Variants in KANSL3 observed in about 807,000 individuals in gnomAD.
KANSL3 encodes KAT8 regulatory NSL complex subunit 3, also known as NSL complex protein NSL3.
A neutral mutation model predicts 89.2 loss-of-function variants in KANSL3; 16 were observed. The ratio of observed to expected loss-of-function variants is 0.18; its 90% CI spans 0.12 to 0.27. The LOEUF is 0.27. Ranked by LOEUF, KANSL3 falls within the 10% of genes least tolerant of loss-of-function variation. KANSL3 has a pLI of 1.00. For synonymous variants in KANSL3, 385 were observed against 419.7 expected (o/e 0.92, Z 1.01); for missense variants, 879 against 1,110.6 (o/e 0.79, Z 2.96).
the KANSL3 span, among the ~76,000 whole-genome samples, chr2:96,582,311 T>C: frequency 6.6e-6 from 1 of 151,898 alleles, no homozygotes; most frequent in South Asian, 2.1e-4. Flanking sequence ...GGCAGGAGAA[T>C]CGCTTGAACC....
At chr2:96,637,468 G>A (rs1370890837) in intron 1 of KANSL3, among the ~76,000 whole-genome samples, 1 of 152,210 alleles carries the variant, frequency 6.6e-6, no homozygotes, top group Non-Finnish European at 1.5e-5. Context: ...ACCTCGCGTG[G>A]ACAGACAGTA....
chr2:96,619,806 G>T, intron 3 of KANSL3, 44 bp from the exon 4 acceptor site: 1 of 1,403,260 alleles, frequency 7.1e-7, no homozygotes, highest in Non-Finnish European at 9.9e-7. Context: ...CCCTGGGGAC[G>T]CTCCCCATGT....
chr2:96,632,585 G>C (rs2073581833), intron 2 of KANSL3, among the ~76,000 whole-genome samples: 1 of 152,200 alleles, frequency 6.6e-6, no homozygotes, highest in Non-Finnish European at 1.5e-5. Context: ...AGACCAGCTA[G>C]GCAGCCACTG....
the KANSL3 span, among the ~76,000 whole-genome samples, chr2:96,587,037 T>C: frequency 6.6e-6 from 1 of 152,226 alleles, no homozygotes; most frequent in Non-Finnish European, 1.5e-5. Flanking sequence ...ACTTATCTCT[T>C]CCAATAATTC....
Position 96,593,296 on chromosome 2 carries a change from T to C in KANSL3, c.*2315A>G, listed in dbSNP as rs1312690893. On this transcript the variant is annotated 3_prime_UTR_variant, in exon 21 of 21. Coordinates refer to ENST00000431828, the MANE Select transcript of KANSL3 (RefSeq NM_001115016.3). ...GAAACCAAGAGTAGACAGGTCTTCCTACCTCAGTGACCTCAAAACACAAGG... is the reference window on the plus strand; with the variant it reads ...GAAACCAAGAGTAGACAGGTCTTCCCACCTCAGTGACCTCAAAACACAAGG... The C allele has an allele frequency of 2.2e-6, 1 of 455,990 alleles. No homozygotes were observed. Among genetic ancestry groups the C allele is most frequent in the East Asian group, 6.9e-5 (1 of 14,412 alleles). The allele number at this position is 455,990 out of a possible 1,614,324, so 28.2% of individuals were successfully genotyped here. A position where few individuals can be genotyped will look rare whatever the true frequency, so the allele number is the denominator to read the frequency against.
intron 2 of KANSL3, among the ~76,000 whole-genome samples, chr2:96,631,909 T>A (rs1378335113): frequency 1.3e-5 from 2 of 151,934 alleles, no homozygotes; most frequent in African/African-American, 4.8e-5. Context: ...TAGCTGGGCA[T>A]GTGGCACACA....
At position 96,637,137 on chromosome 2, in the gene KANSL3, T is replaced by C; in HGVS notation, c.-2A>G. 3 of 1,547,764 alleles carry C rather than the reference T, an allele frequency of 1.9e-6. No homozygotes were observed. Among genetic ancestry groups the C allele is most frequent in the Non-Finnish European group, 2.6e-6 (3 of 1,143,810 alleles). ...CCTCTCCCCACCCCGGTGGGCCATG[T>C]CAGTGGAGGGGCAGAAAGTCAGAGC... On this transcript the variant is annotated 5_prime_UTR_variant, in exon 2 of 21. Transcript: ENST00000431828.
chr2:96,602,990 A>C, intron 17 of KANSL3, 128 bp from the exon 18 acceptor site: 1 of 762,734 alleles, frequency 1.3e-6, no homozygotes. Context: ...ACCCGTCCTC[A>C]GAGAGAAGGC....
At chr2:96,606,013 G>A (rs952166597) in intron 14 of KANSL3, 3 of 152,666 alleles carry the variant, frequency 2.0e-5, no homozygotes, top group African/African-American at 7.2e-5. Flanking sequence ...TCTCTAAAAA[G>A]TAGAGTTTTC....
chr2:96,613,450 T>G, intron 6 of KANSL3, 38 bp downstream of exon 6: 1 of 1,560,324 alleles, frequency 6.4e-7, no homozygotes, highest in East Asian at 2.3e-5. Flanking sequence ...TCTAAAATTT[T>G]TATGTACCAT....
At position 96,605,648 on chromosome 2, in the gene KANSL3, T is replaced by A. The variant is rs10167376; in HGVS notation, c.1742-137A>T. On this transcript the variant is annotated intron_variant, in intron 14 of 20. Coordinates refer to ENST00000431828, the MANE Select transcript of KANSL3 (RefSeq NM_001115016.3). ...ACCACTCTACGTACAGGGCCACCCC[T>A]CAAAGGAGACTGCCCATGCTTCAGG... 2,261 of 680,488 alleles carry A rather than the reference T, an allele frequency of 3.3e-3. 47 individuals are homozygous for A. The African/African-American group carries it at 0.036, about 11-fold the overall frequency. 42.2% of individuals were successfully genotyped at this position (680,488 alleles called of 1,614,324 possible). A position where few individuals can be genotyped will look rare whatever the true frequency, so the allele number is the denominator to read the frequency against.
rs1260703823 is a variant in KANSL3, at chr2:96,637,064, C to A, written c.72G>T (p.Gln24His). The change falls in exon 2 of 21, where the codon CAG becomes CAT. Residue 24 changes from glutamine (Q) to histidine (H), a missense_variant. Coordinates refer to ENST00000431828, the MANE Select transcript of KANSL3 (RefSeq NM_001115016.3). The part of the protein sequence containing the change: ...ARRMGTSLLF[Q>H]LSVHERELDL... ...CCAGCTCCCGTTCATGCACTGAAAG[C>A]TGGAAGAGCAGCGAGGTGCCCATGC... is the stretch of plus-strand genomic sequence containing the variant. 6.4e-7 allele frequency: 1 copy of A among 1,551,600 alleles called. No homozygotes were observed. The highest frequency in any genetic ancestry group is 8.7e-7 in the Non-Finnish European group (1 of 1,147,014).
At position 96,595,518 on chromosome 2, in the gene KANSL3, C is replaced by A; in HGVS notation, c.*93G>T. On this transcript the variant is annotated 3_prime_UTR_variant, in exon 21 of 21. Transcript: ENST00000431828. ...ACTGTCTTAAACAGGTCTTCCGACA[C>A]GTGGACAGCTCAGCAGGACCACACA... 2.1e-6 allele frequency: 3 copies of A among 1,396,394 alleles called. No individual in the cohort carries two copies. In the East Asian group the frequency reaches 7.0e-5, roughly 32 times the overall value. The allele number at this position is 1,396,394 out of a possible 1,614,324, so 86.5% of individuals were successfully genotyped here.
chr2:96,601,321 T>A (rs1414927965), intron 20 of KANSL3: 1 of 985,034 alleles, frequency 1.0e-6, no homozygotes. Context: ...CCTCTACTCA[T>A]AACCTCTGAA....
At chr2:96,593,018 A>C (rs1316394009), downstream of KANSL3, among the ~76,000 whole-genome samples, 2 of 151,328 alleles carry the variant, frequency 1.3e-5, no homozygotes, top group African/African-American at 4.9e-5. Flanking sequence ...AAAAAAAAGG[A>C]AATTACAGTA....
chr2:96,581,039 CTGTTT>C, the KANSL3 span, among the ~76,000 whole-genome samples: 5 of 152,234 alleles, frequency 3.3e-5, no homozygotes, highest in African/African-American at 7.2e-5. Context: ...TGCAGACTCT[CTGTTT>C]TGAGTCTCAG....
chr2:96,636,013 C>A (rs1174416735), intron 2 of KANSL3, among the ~76,000 whole-genome samples: 2 of 150,992 alleles, frequency 1.3e-5, no homozygotes, highest in Admixed American at 1.3e-4. Flanking sequence ...AAAAACCACA[C>A]ACACACATTG....
chr2:96,585,144 T>C, the KANSL3 span, among the ~76,000 whole-genome samples: 1 of 152,114 alleles, frequency 6.6e-6, no homozygotes, highest in Admixed American at 6.6e-5. Flanking sequence ...AGATGGGACC[T>C]AATTAAACTA....
chr2:96,623,368 C>T (rs886065340), intron 3 of KANSL3, among the ~76,000 whole-genome samples: 6 of 152,174 alleles, frequency 3.9e-5, no homozygotes, highest in African/African-American at 4.8e-5. Flanking sequence ...TCTCTGGCTT[C>T]GTAAGAGACC....
Sources: allele counts gnomAD v4.1 joint callset (sites outside exome capture counted in the v4.1 genomes callset), GRCh38; gene constraint gnomAD v4.1.1; transcripts MANE v1.5; gene names NCBI Gene and HGNC (gene_info 2026-07-23, HGNC 2026-07-21).